The following SEC24A variants were observed in gnomAD, a reference collection of about 807,000 sequenced individuals.
The protein encoded by SEC24A is protein transport protein Sec24A.
A neutral mutation model predicts 129.4 loss-of-function variants in SEC24A; 93 were observed. The observed-to-expected ratio is 0.72, with a 90% CI of 0.61 to 0.85. The LOEUF (loss-of-function observed/expected upper bound fraction) is 0.85. Ranked by LOEUF, SEC24A falls within the 40% of genes least tolerant of loss-of-function variation. SEC24A has a pLI of 0.00. For missense variants in SEC24A, 1,264 were observed against 1,307.4 expected, an observed-to-expected ratio of 0.97 and a Z score of 0.51; for synonymous variants, 460 against 467.3, an observed-to-expected ratio of 0.98 and a Z score of 0.20.
intron 20 of SEC24A, among the ~76,000 whole-genome samples, chr5:134,720,339 T>C (rs1379439084): frequency 6.6e-6 from 1 of 152,206 alleles, no homozygotes; most frequent in Non-Finnish European, 1.5e-5. Flanking sequence ...TAGACGTTTG[T>C]AGCCTAGGTA....
At position 134,703,896 on chromosome 5, in the gene SEC24A, T is replaced by G; in HGVS notation, c.2404T>G (p.Ser802Ala). 1 of 1,609,470 alleles carries G rather than the reference T, an allele frequency of 6.2e-7. No individual in the cohort carries two copies. The highest frequency in any genetic ancestry group is 8.5e-7 in the Non-Finnish European group (1 of 1,176,152). The change falls in exon 16 of 23, where the codon TCT (serine) becomes GCT (alanine). Residue 802 changes from serine to alanine, a missense_variant. By Grantham distance (99) the Ser-to-Ala change is moderately conservative. Coordinates refer to ENST00000398844, the MANE Select transcript of SEC24A (RefSeq NM_021982.3). ...EESLTDTQLVSFQSALLYTSS... is the reference protein window; with the variant it reads ...EESLTDTQLVAFQSALLYTSS... ...GAGTCTTACTGACACTCAGTTGGTTTCTTTTCAGTCAGCACTCTTGTATAC... is the reference window on the plus strand; with the variant it reads ...GAGTCTTACTGACACTCAGTTGGTTGCTTTTCAGTCAGCACTCTTGTATAC...
chr5:134,721,443 G>A (rs755132123), intron 21 of SEC24A, among the ~76,000 whole-genome samples: 1 of 150,986 alleles, frequency 6.6e-6, no homozygotes, highest in Non-Finnish European at 1.5e-5. Context: ...CACACCTGTA[G>A]TCCCAGCTAC....
chr5:134,652,494 C>T (rs962383780), intron 1 of SEC24A, among the ~76,000 whole-genome samples: 1 of 151,802 alleles, frequency 6.6e-6, no homozygotes, highest in African/African-American at 2.4e-5. Context: ...CCACGTTGCC[C>T]AGGCTGGTCT....
At chr5:134,689,491 G>A (rs1262003392) in intron 11 of SEC24A, among the ~76,000 whole-genome samples, 6 of 152,126 alleles carry the variant, frequency 3.9e-5, no homozygotes, top group African/African-American at 4.8e-5. Flanking sequence ...GGCCGAGTGC[G>A]GTGGCTCACG....
At chr5:134,663,137 T>A (rs1414750974) in intron 2 of SEC24A, among the ~76,000 whole-genome samples, 2 of 152,162 alleles carry the variant, frequency 1.3e-5, no homozygotes, top group African/African-American at 4.8e-5. Context: ...CAAGCTGGAG[T>A]GCAGTGGTGC....
intron 1 of SEC24A, among the ~76,000 whole-genome samples, chr5:134,660,130 G>A (rs1380534281): frequency 1.3e-5 from 2 of 151,654 alleles, no homozygotes; most frequent in Non-Finnish European, 2.9e-5. Context: ...TAGAGGCTGA[G>A]GCAGGAGGAT....
intron 20 of SEC24A, among the ~76,000 whole-genome samples, chr5:134,718,879 A>G (rs922483358): frequency 6.6e-6 from 1 of 151,764 alleles, no homozygotes; most frequent in African/African-American, 2.4e-5. Context: ...CCGAGGCAGG[A>G]GAATCGCTTG....
At position 134,718,094 on chromosome 5, in the gene SEC24A, C is replaced by T. The variant is rs1361614754; in HGVS notation, c.2891C>T (p.Thr964Ile). The change falls in exon 20 of 23, where the codon ACC becomes ATC. Residue 964 changes from threonine (T) to isoleucine (I), a missense_variant. Transcript: ENST00000398844. ...DEGALNISDR[T>I]IPQPPILQLS... ...GGAGCACTCAACATCAGTGATAGAA[C>T]CATACCTCAGCCCCCCATTCTTCAG... 3.7e-6 allele frequency: 6 copies of T among 1,614,042 alleles called. No individual in the cohort carries two copies. The highest frequency in any genetic ancestry group is 5.1e-6 in the Non-Finnish European group (6 of 1,179,944).
At chr5:134,721,297 G>A (rs536593773) in intron 21 of SEC24A, among the ~76,000 whole-genome samples, 6 of 152,122 alleles carry the variant, frequency 3.9e-5, no homozygotes, top group South Asian at 4.1e-4. Context: ...CAGCCACAGC[G>A]GCTCACACTG....
intron 19 of SEC24A, among the ~76,000 whole-genome samples, chr5:134,716,929 G>A (rs1244243725): frequency 6.7e-6 from 1 of 149,998 alleles, no homozygotes; most frequent in Non-Finnish European, 1.5e-5. Flanking sequence ...GCCCAGGCTG[G>A]AGTGCAATGG....
intron 1 of SEC24A, among the ~76,000 whole-genome samples, chr5:134,654,821 A>G (rs146436033): frequency 6.6e-6 from 1 of 152,252 alleles, no homozygotes; most frequent in East Asian, 1.9e-4. Flanking sequence ...GGTTCAAGCA[A>G]TCCTCCTGCT....
chr5:134,654,693 C>G (rs958064081), intron 1 of SEC24A, among the ~76,000 whole-genome samples: 1 of 152,046 alleles, frequency 6.6e-6, no homozygotes, highest in Non-Finnish European at 1.5e-5. Flanking sequence ...CTTGCAAAGC[C>G]AGTTAGAAAC....
chr5:134,722,265 C>T (rs1467669759), intron 21 of SEC24A, among the ~76,000 whole-genome samples: 1 of 151,820 alleles, frequency 6.6e-6, no homozygotes, highest in Non-Finnish European at 1.5e-5. Context: ...CCGAGGCTGG[C>T]GAATCACCTG....
chr5:134,660,047 C>T (rs1347124431), intron 1 of SEC24A, among the ~76,000 whole-genome samples: 2 of 151,954 alleles, frequency 1.3e-5, no homozygotes, highest in Non-Finnish European at 2.9e-5. Context: ...TTGAAGGCAC[C>T]TCTTTAGCGT....
At chr5:134,723,097 A>C (rs1279999432) in intron 21 of SEC24A, among the ~76,000 whole-genome samples, 1 of 152,092 alleles carries the variant, frequency 6.6e-6, no homozygotes, top group East Asian at 1.9e-4. Flanking sequence ...AGTGGAGGTT[A>C]CAGTGAGCCA....
chr5:134,676,179 G>T (rs1056629807), intron 7 of SEC24A, 54 bp downstream of exon 7: 9 of 1,350,606 alleles, frequency 6.7e-6, no homozygotes, highest in Middle Eastern at 2.0e-4. Context: ...TCCCTCTGTC[G>T]CCCAGGCTGG....
intron 11 of SEC24A, among the ~76,000 whole-genome samples, chr5:134,690,073 C>T (rs922122653): frequency 6.6e-6 from 1 of 152,192 alleles, no homozygotes; most frequent in African/African-American, 2.4e-5. Context: ...AGCTGGAGCG[C>T]AATGGCGCCA....
At position 134,661,132 on chromosome 5, in the gene SEC24A, T is replaced by G. The variant is rs1164210347; in HGVS notation, c.111T>G (p.Asn37Lys). ...TTTTATTGGAAGGTCCTGTCCAAAA[T>G]GCATTGCTGTCTTCACAAGAGTCAG... is the stretch of plus-strand genomic sequence containing the variant. ...GSPYTNGPVQ[N>K]ALLSSQESVS... Residue 37 changes from asparagine to lysine, a missense_variant, in exon 2 of 23, where the codon AAT (asparagine) becomes AAG (lysine). Physicochemically the swap from Asn to Lys is moderately conservative, Grantham distance 94. Transcript: ENST00000398844. 2.5e-6 allele frequency: 4 copies of G among 1,604,142 alleles called. No individual in the cohort carries two copies. The highest frequency in any genetic ancestry group is 3.4e-6 in the Non-Finnish European group (4 of 1,175,122).
chr5:134,720,947 A>G (rs1487578987), intron 20 of SEC24A, 51 bp from the exon 21 acceptor site: 8 of 967,458 alleles, frequency 8.3e-6, no homozygotes, highest in Non-Finnish European at 1.3e-5. Flanking sequence ...CACTCAACAG[A>G]CTCACCTTTA....
Sources: gnomAD v4.1 joint callset for allele counts (sites outside exome capture counted in the v4.1 genomes callset) on GRCh38, gnomAD v4.1.1 for gene constraint, MANE v1.5 for transcripts, NCBI Gene and HGNC (gene_info 2026-07-23, HGNC 2026-07-21) for gene names.